Variants in JAZF1 observed in about 807,000 individuals in gnomAD.
The protein encoded by JAZF1 is JAZF zinc finger 1, also known as juxtaposed with another zinc finger protein 1.
A neutral mutation model predicts 26.4 loss-of-function variants in JAZF1; 8 were observed. The ratio of observed to expected loss-of-function variants is 0.30; its 90% CI spans 0.18 to 0.55. JAZF1 has a LOEUF of 0.55. Among genes scored for constraint, JAZF1 ranks in the 20% least tolerant of loss-of-function variants. The pLI, the probability that JAZF1 is intolerant of heterozygous loss-of-function variation, is 0.94. For missense variants in JAZF1, 199 were observed against 322.0 expected (o/e 0.62, Z 2.92); for synonymous variants, 126 against 122.3 (o/e 1.03, Z -0.20).
intron 2 of JAZF1, among the ~76,000 whole-genome samples, chr7:27,923,248 G>C (rs1029936119): frequency 5.3e-5 from 8 of 152,216 alleles, no homozygotes; most frequent in African/African-American, 1.9e-4. Context: ...CATGTCCTTA[G>C]GGTAATGTCT....
At chr7:28,171,466 T>C (rs1231487488) in intron 1 of JAZF1, among the ~76,000 whole-genome samples, 2 of 152,190 alleles carry the variant, frequency 1.3e-5, no homozygotes, top group Admixed American at 1.3e-4. Flanking sequence ...AAAACACGTC[T>C]TGGGGACGAG....
intron 2 of JAZF1, among the ~76,000 whole-genome samples, chr7:27,973,552 G>C (rs1340889503): frequency 6.6e-6 from 1 of 152,202 alleles, no homozygotes; most frequent in Non-Finnish European, 1.5e-5. Context: ...TCCTGCCTTG[G>C]CTTCCCAAAG....
chr7:28,180,592 A>G lies in JAZF1; in HGVS notation c.-15T>C. On this transcript the variant is annotated 5_prime_UTR_variant, in exon 1 of 5. Transcript: ENST00000283928. Reference sequence around the variant, plus strand: ...ATGCCTGTCATGGTGCTACATCGAGAGCCCCCCTGGTGTCGGCTCTGCGAG... The same window carrying G: ...ATGCCTGTCATGGTGCTACATCGAGGGCCCCCCTGGTGTCGGCTCTGCGAG... The G allele has an allele frequency of 1.3e-6, 2 of 1,520,932 alleles. No individual in the cohort carries two copies. The highest frequency in any genetic ancestry group is 2.7e-5 in the East Asian group (1 of 37,036). 94.2% of individuals were successfully genotyped at this position (1,520,932 alleles called of 1,614,324 possible).
intron 1 of JAZF1, among the ~76,000 whole-genome samples, chr7:28,016,947 C>G (rs1356133237): frequency 3.3e-5 from 5 of 152,162 alleles, no homozygotes; most frequent in Non-Finnish European, 5.9e-5. Flanking sequence ...ACTAAGTATA[C>G]ATTGTTATGT....
chr7:28,150,325 G>T (rs1307286524), intron 1 of JAZF1, among the ~76,000 whole-genome samples: 3 of 152,186 alleles, frequency 2.0e-5, no homozygotes, highest in Non-Finnish European at 4.4e-5. Context: ...GCCTGCAAAA[G>T]AATTGCTTCC....
intron 2 of JAZF1, among the ~76,000 whole-genome samples, chr7:27,906,123 C>T (rs1488722942): frequency 6.6e-6 from 1 of 152,126 alleles, no homozygotes; most frequent in East Asian, 1.9e-4. Context: ...ATATGCTAAG[C>T]AAACGAAAGA....
At chr7:28,034,184 C>T (rs1382144700) in intron 1 of JAZF1, among the ~76,000 whole-genome samples, 2 of 152,184 alleles carry the variant, frequency 1.3e-5, no homozygotes, top group Non-Finnish European at 2.9e-5. Context: ...TTCTACTGAT[C>T]CCAGGCAAAA....
intron 1 of JAZF1, among the ~76,000 whole-genome samples, chr7:28,158,949 C>A (rs1288641901): frequency 2.0e-5 from 3 of 152,132 alleles, no homozygotes; most frequent in Non-Finnish European, 4.4e-5. Context: ...GTCAGTAGGT[C>A]AGAACATCCT....
rs574312615 is a variant in JAZF1, at chr7:28,097,637, G to A, written c.115+82826C>T. ...GAAGGAGCTGGATATATAAAGGGTG[G>A]GGCAAGAAGAAATCACAGCTGTCTA... On this transcript the variant is annotated intron_variant, in intron 1 of 4. Coordinates refer to ENST00000283928, the MANE Select transcript of JAZF1 (RefSeq NM_175061.4). Among the ~76,000 whole-genome samples, 91 of 152,300 alleles carry A rather than the reference G, an allele frequency of 6.0e-4. No individual in the cohort carries two copies. In the Middle Eastern group the frequency reaches 0.01, roughly 17 times the overall value.
intron 3 of JAZF1, among the ~76,000 whole-genome samples, chr7:27,877,938 T>C (rs1274481810): frequency 6.6e-6 from 1 of 152,156 alleles, no homozygotes; most frequent in Non-Finnish European, 1.5e-5. Flanking sequence ...AACTTAAGTA[T>C]GCAAAGGGGG....
intron 4 of JAZF1, among the ~76,000 whole-genome samples, chr7:27,834,594 C>T (rs1243196049): frequency 6.6e-6 from 1 of 152,200 alleles, no homozygotes; most frequent in African/African-American, 2.4e-5. Context: ...TCAGAGCCTA[C>T]TGGGGCAGGA....
chr7:27,921,178 G>A (rs1583464307), intron 2 of JAZF1, among the ~76,000 whole-genome samples: 1 of 152,242 alleles, frequency 6.6e-6, no homozygotes, highest in East Asian at 1.9e-4. Flanking sequence ...TTAAAGTAAT[G>A]AGTCCGGACA....
At chr7:27,843,817 G>A (rs1008555359) in intron 3 of JAZF1, 1 of 152,288 alleles carries the variant, frequency 6.6e-6, no homozygotes, top group Non-Finnish European at 1.5e-5. Context: ...CACTAAGGCT[G>A]TTGTGAAGAA....
At chr7:27,926,079 T>C (rs1254305109) in intron 2 of JAZF1, among the ~76,000 whole-genome samples, 1 of 152,152 alleles carries the variant, frequency 6.6e-6, no homozygotes. Flanking sequence ...GTGGACAGGC[T>C]CAAGACAGAC....
chr7:28,179,454 C>T (rs1322857108), intron 1 of JAZF1, among the ~76,000 whole-genome samples: 3 of 151,966 alleles, frequency 2.0e-5, no homozygotes, highest in Non-Finnish European at 4.4e-5. Context: ...CGGGGCGCTG[C>T]GCAGGCCGCC....
chr7:27,999,115 A>G (rs1786081391), intron 1 of JAZF1, among the ~76,000 whole-genome samples: 1 of 152,200 alleles, frequency 6.6e-6, no homozygotes, highest in Non-Finnish European at 1.5e-5. Flanking sequence ...TGGCTGCAAG[A>G]TATGCTTGTG....
intron 3 of JAZF1, among the ~76,000 whole-genome samples, chr7:27,850,660 T>C (rs1164222511): frequency 6.6e-6 from 1 of 152,158 alleles, no homozygotes; most frequent in Non-Finnish European, 1.5e-5. Context: ...AACTCTTGAC[T>C]CCCTCTAATC....
intron 2 of JAZF1, among the ~76,000 whole-genome samples, chr7:27,967,425 T>G (rs1373673977): frequency 6.6e-6 from 1 of 152,134 alleles, no homozygotes. Context: ...CCTCTCATAG[T>G]GATAAAGGGA....
At chr7:28,038,004 A>T (rs1377512278) in intron 1 of JAZF1, among the ~76,000 whole-genome samples, 2 of 152,212 alleles carry the variant, frequency 1.3e-5, no homozygotes, top group Non-Finnish European at 2.9e-5. Flanking sequence ...CATTGCCAAC[A>T]TCACAATTTC....
Sources: gnomAD v4.1 joint callset for allele counts (sites outside exome capture counted in the v4.1 genomes callset) on GRCh38, gnomAD v4.1.1 for gene constraint, MANE v1.5 for transcripts, NCBI Gene and HGNC (gene_info 2026-07-23, HGNC 2026-07-21) for gene names.